The following CCNT2 variants were observed in gnomAD, a reference collection of about 807,000 sequenced individuals.
CCNT2 encodes cyclin T2.
CCNT2 carries 18 observed loss-of-function variants against 70.0 expected under a neutral mutation model. The ratio of observed to expected loss-of-function variants is 0.26; its 90% CI spans 0.18 to 0.38. The LOEUF (loss-of-function observed/expected upper bound fraction) is 0.38, where lower values mean the gene tolerates loss of function less well. CCNT2 is among the 10% of genes least tolerant of loss of function. The probability of loss-of-function intolerance (pLI) is 1.00; values close to 1 mark genes in which losing one functional copy is unlikely to be tolerated. For missense variants in CCNT2, 734 were observed against 890.2 expected (o/e 0.82, Z 2.23); for synonymous variants, 334 against 313.3 (o/e 1.07, Z -0.70).
intron 8 of CCNT2, 73 bp from the exon 9 acceptor site, chr2:134,953,153 ATAAC>A: frequency 1.0e-6 from 1 of 990,356 alleles, no homozygotes; most frequent in Non-Finnish European, 1.5e-6. Flanking sequence ...TTTTTAATAT[ATAAC>A]TTTTATAAGA....
At chr2:134,949,552 C>G (rs1037529414) in intron 7 of CCNT2, among the ~76,000 whole-genome samples, 1 of 152,090 alleles carries the variant, frequency 6.6e-6, no homozygotes, top group African/African-American at 2.4e-5. Context: ...TTGTTTTCCA[C>G]CTGGAAAAAA....
chr2:134,937,914 C>CA (rs1156849096), intron 3 of CCNT2, among the ~76,000 whole-genome samples: 107 of 150,260 alleles, frequency 7.1e-4, no homozygotes, highest in Admixed American at 1.8e-3. Context: ...AACACCGTCT[C>CA]AAAAAAAAAA....
chr2:134,939,043 C>A lies in CCNT2; in HGVS notation c.411C>A (p.Thr137=). The change falls in exon 4 of 9, where the codon ACC becomes ACA. Residue 137 remains threonine (T), a synonymous_variant. Transcript: ENST00000264157. ...CTCAAGAACTGGTTATACTTGAAAC[C>A]ATAATGCTACAAACTCTAGGTACGT... is the stretch of plus-strand genomic sequence containing the variant. ...QQTQELVILE[T]IMLQTLGFEI... is the part of the protein sequence containing the mutation. 1 of 1,609,678 alleles carries A rather than the reference C, an allele frequency of 6.2e-7. No homozygotes were observed. Among genetic ancestry groups the A allele is most frequent in the South Asian group, 1.1e-5 (1 of 90,806 alleles).
At chr2:134,945,765 C>T in intron 5 of CCNT2, 1 of 1,300,240 alleles carries the variant, frequency 7.7e-7, no homozygotes, top group South Asian at 1.3e-5. Flanking sequence ...TCTTCTTCTT[C>T]TTCTTTTTTT....
chr2:134,951,417 C>T lies in CCNT2; in HGVS notation c.704-1224C>T, dbSNP rs750681120. ...TTATTAGTTCATCAAAACCACACTACTTTGGAAAAGTGGGTCATTTGATTG... is the reference window on the plus strand; with the variant it reads ...TTATTAGTTCATCAAAACCACACTATTTTGGAAAAGTGGGTCATTTGATTG... On this transcript the variant is annotated intron_variant, in intron 7 of 8. Transcript: ENST00000264157. Among the ~76,000 whole-genome samples, 135 of 152,190 alleles carry T rather than the reference C, an allele frequency of 8.9e-4. 1 individual carries two copies. Among genetic ancestry groups the T allele is most frequent in the Middle Eastern group, 3.4e-3 (1 of 294 alleles).
intron 6 of CCNT2, among the ~76,000 whole-genome samples, chr2:134,946,986 C>T (rs1559109202): frequency 1.3e-5 from 2 of 152,128 alleles, no homozygotes; most frequent in African/African-American, 4.8e-5. Context: ...TCTCAAATAT[C>T]TGTTGTTGGT....
At chr2:134,929,428 C>T (rs974400075) in intron 2 of CCNT2, among the ~76,000 whole-genome samples, 2 of 151,594 alleles carry the variant, frequency 1.3e-5, no homozygotes, top group East Asian at 3.9e-4. Flanking sequence ...TGGCGAGACC[C>T]TGTCTCTACA....
At chr2:134,937,105 T>C (rs1477109028) in intron 3 of CCNT2, 136 bp downstream of exon 3, 1 of 545,266 alleles carries the variant, frequency 1.8e-6, no homozygotes, top group African/African-American at 1.9e-5. Context: ...AGGAATGCAA[T>C]GCCAGGAAGC....
chr2:134,934,485 A>T (rs887579433), intron 2 of CCNT2, among the ~76,000 whole-genome samples: 2 of 152,240 alleles, frequency 1.3e-5, no homozygotes, highest in Admixed American at 1.3e-4. Context: ...GAATTCTTTT[A>T]AGCCTCACAA....
chr2:134,951,583 G>A (rs893088752), intron 7 of CCNT2, among the ~76,000 whole-genome samples: 2 of 152,128 alleles, frequency 1.3e-5, no homozygotes, highest in Non-Finnish European at 2.9e-5. Flanking sequence ...GCTCACACCT[G>A]TAATTCCAGC....
chr2:134,943,736 C>G (rs1681741620), intron 5 of CCNT2: 2 of 984,984 alleles, frequency 2.0e-6, no homozygotes, highest in South Asian at 9.4e-5. Flanking sequence ...TGTTCTGCTT[C>G]TTACTTCCAC....
intron 7 of CCNT2, among the ~76,000 whole-genome samples, chr2:134,951,825 A>G (rs1270769227): frequency 6.6e-6 from 1 of 152,242 alleles, no homozygotes; most frequent in Non-Finnish European, 1.5e-5. Context: ...TGTTAACTAA[A>G]CCACAGATGT....
At chr2:134,919,282 C>T (rs3769028) in intron 1 of CCNT2, among the ~76,000 whole-genome samples, 52,692 of 151,914 alleles carry the variant, frequency 0.35, 9,918 homozygotes, top group Middle Eastern at 0.67. Context: ...GGGAGTGTGG[C>T]TCAGGCGAAA....
chr2:134,948,521 C>T (rs561105665), intron 7 of CCNT2, among the ~76,000 whole-genome samples: 1 of 152,010 alleles, frequency 6.6e-6, no homozygotes, highest in Non-Finnish European at 1.5e-5. Flanking sequence ...ACCATTGTTG[C>T]CTTACATTGT....
chr2:134,949,810 G>GGT (rs1553525642), intron 7 of CCNT2, among the ~76,000 whole-genome samples: 2 of 133,688 alleles, frequency 1.5e-5, no homozygotes, highest in Admixed American at 7.6e-5. Flanking sequence ...TTCGGGGGGG[G>GGT]GGTGGGGGAC....
intron 2 of CCNT2, chr2:134,920,480 T>G (rs1559085489): frequency 6.6e-6 from 1 of 152,210 alleles, no homozygotes; most frequent in Non-Finnish European, 1.5e-5. Flanking sequence ...CAGGAGTATG[T>G]TTATGTATTA....
intron 4 of CCNT2, among the ~76,000 whole-genome samples, chr2:134,941,637 C>T (rs1294379537): frequency 1.3e-5 from 2 of 151,950 alleles, no homozygotes; most frequent in Non-Finnish European, 2.9e-5. Flanking sequence ...AATGATTTAG[C>T]ATGTTATTGT....
At chr2:134,927,930 T>C (rs1169554676) in intron 2 of CCNT2, among the ~76,000 whole-genome samples, 2 of 152,174 alleles carry the variant, frequency 1.3e-5, no homozygotes, top group African/African-American at 4.8e-5. Context: ...CATAAGGAAA[T>C]ACATGTAACG....
chr2:134,922,788 AT>A (rs891691864), intron 2 of CCNT2, among the ~76,000 whole-genome samples: 8 of 151,888 alleles, frequency 5.3e-5, no homozygotes, highest in Non-Finnish European at 8.8e-5. Flanking sequence ...TTTGTGATGC[AT>A]TTTTTTTCTT....
Sources: allele counts gnomAD v4.1 joint callset (sites outside exome capture counted in the v4.1 genomes callset), GRCh38; gene constraint gnomAD v4.1.1; transcripts MANE v1.5; gene names NCBI Gene and HGNC (gene_info 2026-07-23, HGNC 2026-07-21).